ZNF713: variants seen among roughly 807,000 people sequenced by gnomAD.
The protein encoded by ZNF713 is zinc finger protein 713.
In ZNF713, 21 loss-of-function variants were observed where a neutral mutation model predicts 28.7. The observed-to-expected ratio is 0.73, with a 90% CI of 0.52 to 1.05. The LOEUF (loss-of-function observed/expected upper bound fraction) is 1.05. Ranked by LOEUF, ZNF713 falls within the 50% of genes least tolerant of loss-of-function variation. The pLI, the probability that ZNF713 is intolerant of heterozygous loss-of-function variation, is 0.00. For missense variants in ZNF713, 458 were observed against 532.4 expected, an observed-to-expected ratio of 0.86 and a Z score of 1.37; for synonymous variants, 167 against 178.0, an observed-to-expected ratio of 0.94 and a Z score of 0.49.
intron 1 of ZNF713, among the ~76,000 whole-genome samples, chr7:55,902,142 G>C (rs1250949039): frequency 6.6e-6 from 1 of 152,120 alleles, no homozygotes; most frequent in Non-Finnish European, 1.5e-5. Context: ...AGTGAGCTGA[G>C]GTTGCGCCAC....
intron 6 of ZNF713, among the ~76,000 whole-genome samples, chr7:55,934,433 A>C (rs189529929): frequency 1.3e-5 from 2 of 152,246 alleles, no homozygotes; most frequent in East Asian, 3.9e-4. Flanking sequence ...CACCCATCAA[A>C]TTGGCAAAAT....
chr7:55,888,772 T>C (rs1005784758), intron 1 of ZNF713, among the ~76,000 whole-genome samples: 3 of 152,130 alleles, frequency 2.0e-5, no homozygotes, highest in East Asian at 1.9e-4. Context: ...TTAAAATGTT[T>C]AGGCCGGTTG....
At chr7:55,914,923 C>T (rs1449958855) in intron 4 of ZNF713, among the ~76,000 whole-genome samples, 3 of 152,114 alleles carry the variant, frequency 2.0e-5, no homozygotes, top group Non-Finnish European at 2.9e-5. Flanking sequence ...GGCACAATCT[C>T]GGCTCACTAC....
intron 1 of ZNF713, among the ~76,000 whole-genome samples, chr7:55,905,466 G>C (rs1314133692): frequency 6.6e-6 from 1 of 152,014 alleles, no homozygotes; most frequent in Non-Finnish European, 1.5e-5. Flanking sequence ...CATGGATTTT[G>C]GTATCCATGG....
At chr7:55,928,646 G>T (rs927757888) in intron 6 of ZNF713, among the ~76,000 whole-genome samples, 3 of 152,136 alleles carry the variant, frequency 2.0e-5, no homozygotes, top group Non-Finnish European at 4.4e-5. Flanking sequence ...TTACAAGATG[G>T]AAGAGAAGCA....
At chr7:55,910,001 TTATG>T (rs1438626037) in intron 2 of ZNF713, among the ~76,000 whole-genome samples, 2 of 150,092 alleles carry the variant, frequency 1.3e-5, no homozygotes, top group African/African-American at 4.9e-5. Context: ...GTATATACGT[TTATG>T]TGTGTGTGTG....
intron 4 of ZNF713, 139 bp downstream of exon 4, chr7:55,912,862 A>G: frequency 3.1e-6 from 2 of 655,188 alleles, no homozygotes; most frequent in South Asian, 2.0e-5. Context: ...TACTCTCCAC[A>G]GCATGTTTTC....
chr7:55,899,222 G>T (rs1056657873), intron 1 of ZNF713, among the ~76,000 whole-genome samples: 1 of 151,550 alleles, frequency 6.6e-6, no homozygotes, highest in African/African-American at 2.4e-5. Context: ...GCATGGTGGC[G>T]GGCACCTGTA....
At chr7:55,937,257 C>T (rs1025052824) in intron 6 of ZNF713, among the ~76,000 whole-genome samples, 8 of 152,010 alleles carry the variant, frequency 5.3e-5, no homozygotes, top group South Asian at 2.1e-4. Context: ...GCCAAGAGCA[C>T]GCCACTGCAC....
chr7:55,935,253 A>T (rs1448336353), intron 6 of ZNF713, among the ~76,000 whole-genome samples: 1 of 152,110 alleles, frequency 6.6e-6, no homozygotes, highest in Non-Finnish European at 1.5e-5. Flanking sequence ...TTGTATAAGG[A>T]TGTTCATTGC....
At chr7:55,903,412 G>A (rs1397309329) in intron 1 of ZNF713, among the ~76,000 whole-genome samples, 1 of 151,846 alleles carries the variant, frequency 6.6e-6, no homozygotes, top group East Asian at 1.9e-4. Context: ...GCTCACACCT[G>A]TAATCCTAGC....
chr7:55,896,885 A>T (rs1259311314), intron 1 of ZNF713, among the ~76,000 whole-genome samples: 1 of 152,082 alleles, frequency 6.6e-6, no homozygotes, highest in East Asian at 1.9e-4. Context: ...AAGAAGTGAG[A>T]AAGTGCTTAA....
chr7:55,899,478 C>T (rs1227009029), intron 1 of ZNF713, among the ~76,000 whole-genome samples: 1 of 144,694 alleles, frequency 6.9e-6, no homozygotes, highest in Non-Finnish European at 1.5e-5. Flanking sequence ...CAAGACCAGC[C>T]TGGCCAAGAT....
intron 3 of ZNF713, 137 bp from the exon 4 acceptor site, chr7:55,912,498 A>G (rs1785802636): frequency 1.7e-6 from 1 of 601,340 alleles, no homozygotes; most frequent in African/African-American, 1.8e-5. Context: ...ATAGAAGAGT[A>G]GAGACGTCAC....
intron 6 of ZNF713, among the ~76,000 whole-genome samples, chr7:55,936,141 T>C (rs981968214): frequency 1.3e-5 from 2 of 151,752 alleles, no homozygotes; most frequent in African/African-American, 4.8e-5. Context: ...AGTGTGCACC[T>C]GTAGTCCCAG....
intron 4 of ZNF713, among the ~76,000 whole-genome samples, chr7:55,921,720 T>C (rs945398881): frequency 3.9e-5 from 6 of 152,344 alleles, no homozygotes; most frequent in South Asian, 2.1e-4. Context: ...GTGAAGATGC[T>C]TTGAATAATG....
At chr7:55,919,511 T>TTTTTTTTG (rs1785950110) in intron 4 of ZNF713, among the ~76,000 whole-genome samples, 1 of 88,802 alleles carries the variant, frequency 1.1e-5, no homozygotes, top group African/African-American at 4.7e-5. Flanking sequence ...TTTTTTTTTT[T>TTTTTTTTG]TTTTTTTTTT....
chr7:55,908,252 C>G (rs556276514), intron 2 of ZNF713, among the ~76,000 whole-genome samples: 10 of 149,990 alleles, frequency 6.7e-5, no homozygotes, highest in Non-Finnish European at 1.3e-4. Context: ...AAGCGATTCT[C>G]CTGCCTCAGC....
rs551032006 is a variant in ZNF713 at position 55,932,395 on chromosome 7, C to T, written c.308-6587C>T. Among the ~76,000 whole-genome samples, 107 of 150,932 alleles carry T rather than the reference C, an allele frequency of 7.1e-4. 1 individual carries two copies. The highest frequency in any genetic ancestry group is 2.4e-3 in the African/African-American group (99 of 41,148). On this transcript the variant is annotated intron_variant, in intron 6 of 6. Coordinates refer to ENST00000429591, the MANE Select transcript of ZNF713 (RefSeq NM_182633.3). Reference sequence around the variant, plus strand: ...AAAAAAAAGGCAGGGTATCGTGGCACGTGCCTGTGGTCCCACCTACTCTGG... The same window carrying T: ...AAAAAAAAGGCAGGGTATCGTGGCATGTGCCTGTGGTCCCACCTACTCTGG...
Sources: allele counts gnomAD v4.1 joint callset (sites outside exome capture counted in the v4.1 genomes callset), GRCh38; gene constraint gnomAD v4.1.1; transcripts MANE v1.5; gene names NCBI Gene and HGNC (gene_info 2026-07-23, HGNC 2026-07-21).